Variants in PTPRD observed in about 807,000 individuals in gnomAD.
PTPRD encodes the protein receptor-type tyrosine-protein phosphatase delta.
Under a neutral mutation model 214.5 loss-of-function variants are expected in PTPRD, and 34 were observed. The observed-to-expected ratio is 0.16, with a 90% CI of 0.12 to 0.21. The LOEUF is 0.21. PTPRD is among the 10% of genes least tolerant of loss of function. The pLI, the probability that PTPRD is intolerant of heterozygous loss-of-function variation, is 1.00. For missense variants in PTPRD, 2,545 were observed against 2,398.7 expected (o/e 1.06, Z -1.27); for synonymous variants, 1,128 against 845.7 (o/e 1.33, Z -5.79).
chr9:8,467,318 A>T (rs1277469359), intron 31 of PTPRD, among the ~76,000 whole-genome samples: 1 of 151,918 alleles, frequency 6.6e-6, no homozygotes, highest in Non-Finnish European at 1.5e-5. Context: ...CCAGAAAGGT[A>T]GCACTATCTT....
chr9:10,217,004 C>T (rs919482974), intron 3 of PTPRD, among the ~76,000 whole-genome samples: 89 of 151,976 alleles, frequency 5.9e-4, no homozygotes, highest in South Asian at 6.2e-4. Context: ...TTGTTATTGG[C>T]CTGCAACTAT....
chr9:10,484,019 A>G (rs2099116843), intron 2 of PTPRD, among the ~76,000 whole-genome samples: 1 of 152,184 alleles, frequency 6.6e-6, no homozygotes, highest in African/African-American at 2.4e-5. Flanking sequence ...TGAAATCAAA[A>G]TAAGTGTCCA....
chr9:10,405,877 T>TA (rs1205921764), intron 2 of PTPRD, among the ~76,000 whole-genome samples: 1 of 151,200 alleles, frequency 6.6e-6, no homozygotes, highest in Non-Finnish European at 1.5e-5. Flanking sequence ...ATACATAATA[T>TA]AAAAAAAGGA....
chr9:8,448,477 T>C (rs1024179282), intron 34 of PTPRD, among the ~76,000 whole-genome samples: 1 of 152,216 alleles, frequency 6.6e-6, no homozygotes, highest in Non-Finnish European at 1.5e-5. Flanking sequence ...AATAAAGTAC[T>C]GAGTAGGTGA....
chr9:9,666,811 A>G (rs1043947032), intron 7 of PTPRD, among the ~76,000 whole-genome samples: 10 of 151,992 alleles, frequency 6.6e-5, no homozygotes, highest in African/African-American at 2.4e-4. Context: ...ATAATCTATC[A>G]ACTCTAAGGA....
intron 11 of PTPRD, among the ~76,000 whole-genome samples, chr9:8,959,230 GTT>G (rs1428128432): frequency 6.6e-6 from 1 of 151,954 alleles, no homozygotes; most frequent in Non-Finnish European, 1.5e-5. Flanking sequence ...CCCTGGAAAA[GTT>G]TTTATGAGTG....
intron 8 of PTPRD, among the ~76,000 whole-genome samples, chr9:9,487,593 C>A (rs1187867193): frequency 6.6e-6 from 1 of 152,064 alleles, no homozygotes; most frequent in Non-Finnish European, 1.5e-5. Context: ...TTCATTTGCA[C>A]TCTCAGATTT....
intron 3 of PTPRD, among the ~76,000 whole-genome samples, chr9:10,049,541 G>A (rs145431424): frequency 6.6e-6 from 1 of 151,968 alleles, no homozygotes; most frequent in Non-Finnish European, 1.5e-5. Flanking sequence ...GTGATGTAAT[G>A]CTGCAAAAGA....
At chr9:9,417,783 C>T (rs545554084) in intron 8 of PTPRD, among the ~76,000 whole-genome samples, 1 of 151,992 alleles carries the variant, frequency 6.6e-6, no homozygotes, top group East Asian at 1.9e-4. Flanking sequence ...ATGAGATCAA[C>T]TTGCCAATTT....
chr9:8,839,798 C>T (rs184840977), intron 11 of PTPRD, among the ~76,000 whole-genome samples: 7 of 93,764 alleles, frequency 7.5e-5, no homozygotes, highest in Non-Finnish European at 1.3e-4. Flanking sequence ...GGAACAATGC[C>T]CAACAAAAGA....
chr9:9,993,492 C>G (rs992497597), intron 4 of PTPRD, among the ~76,000 whole-genome samples: 41 of 152,196 alleles, frequency 2.7e-4, no homozygotes, highest in African/African-American at 9.6e-4. Context: ...TGTGCTACAA[C>G]CATGTATAAC....
chr9:10,337,886 C>A (rs1246672454), intron 3 of PTPRD, among the ~76,000 whole-genome samples: 1 of 151,600 alleles, frequency 6.6e-6, no homozygotes, highest in East Asian at 1.9e-4. Context: ...GATCTCCTTG[C>A]CAAGCTGTTT....
intron 2 of PTPRD, among the ~76,000 whole-genome samples, chr9:10,597,286 A>C (rs562298232): frequency 1.3e-3 from 197 of 151,848 alleles, no homozygotes; most frequent in Middle Eastern, 3.4e-3. Context: ...TACACATGTT[A>C]CTATCTTTAT....
intron 12 of PTPRD, among the ~76,000 whole-genome samples, chr9:8,641,613 A>T (rs2096577781): frequency 3.0e-5 from 4 of 133,454 alleles, no homozygotes; most frequent in African/African-American, 1.2e-4. Flanking sequence ...CACAACAGAG[A>T]CATGGCCGAT....
At chr9:8,383,078 A>G (rs574518817) in intron 37 of PTPRD, among the ~76,000 whole-genome samples, 244 of 152,342 alleles carry the variant, frequency 1.6e-3, no homozygotes, top group Non-Finnish European at 7.4e-4. Flanking sequence ...ATAATCTTCA[A>G]TGGGATTCTG....
At chr9:9,635,805 T>C (rs184049929) in intron 7 of PTPRD, among the ~76,000 whole-genome samples, 1 of 152,298 alleles carries the variant, frequency 6.6e-6, no homozygotes, top group Admixed American at 6.5e-5. Context: ...TGTCAAGTTT[T>C]CCTTCTAAAT....
At chr9:10,224,355 A>G (rs1474422091) in intron 3 of PTPRD, among the ~76,000 whole-genome samples, 1 of 151,990 alleles carries the variant, frequency 6.6e-6, no homozygotes, top group Non-Finnish European at 1.5e-5. Flanking sequence ...AGAACTTACT[A>G]TTGTCTATTC....
chr9:9,580,447 C>T (rs1310580974), intron 7 of PTPRD, among the ~76,000 whole-genome samples: 1 of 151,620 alleles, frequency 6.6e-6, no homozygotes, highest in East Asian at 1.9e-4. Context: ...TAATCATTTT[C>T]TGATGATTAG....
At chr9:9,426,019 G>C (rs2080761174) in intron 8 of PTPRD, among the ~76,000 whole-genome samples, 1 of 152,070 alleles carries the variant, frequency 6.6e-6, no homozygotes, top group Non-Finnish European at 1.5e-5. Flanking sequence ...TTCCAACTGA[G>C]GTACCAGGTT....
Sources: gnomAD v4.1 joint callset for allele counts (sites outside exome capture counted in the v4.1 genomes callset) on GRCh38, gnomAD v4.1.1 for gene constraint, MANE v1.5 for transcripts, NCBI Gene and HGNC (gene_info 2026-07-23, HGNC 2026-07-21) for gene names.